Variants in PEX1 observed in about 807,000 individuals in gnomAD.
The protein encoded by PEX1 is peroxisomal biogenesis factor 1, also known as peroxisomal ATPase PEX1.
Under a neutral mutation model 152.5 loss-of-function variants are expected in PEX1, and 97 were observed. The ratio of observed to expected loss-of-function variants is 0.64; its 90% CI spans 0.54 to 0.75. PEX1 has a LOEUF of 0.75. Among genes scored for constraint, PEX1 ranks in the 30% least tolerant of loss-of-function variants. The pLI, the probability that PEX1 is intolerant of heterozygous loss-of-function variation, is 0.00. For missense variants in PEX1, 1,357 were observed against 1,516.3 expected, an observed-to-expected ratio of 0.89 and a Z score of 1.74; for synonymous variants, 485 against 531.6, an observed-to-expected ratio of 0.91 and a Z score of 1.21.
chr7:92,517,646 C>T lies in PEX1; in HGVS notation c.869G>A (p.Cys290Tyr). ...ATATATACTAGGAGGTTGAGATTTG[C>T]ATACTCTGAAAATATTGTCTAGAGG... ...VVPLDNIFRV[C>Y]KSQPPSIYNA... The change falls in exon 5 of 24, where the codon TGC (cysteine) becomes TAC (tyrosine). Residue 290 changes from cysteine (C) to tyrosine (Y), a missense_variant. Coordinates refer to ENST00000248633, the MANE Select transcript of PEX1 (RefSeq NM_000466.3). 1 of 1,614,000 alleles carries T rather than the reference C, an allele frequency of 6.2e-7. No individual in the cohort carries two copies. The highest frequency in any genetic ancestry group is 8.5e-7 in the Non-Finnish European group (1 of 1,180,010).
At chr7:92,498,242 G>A (rs1791756161) in intron 16 of PEX1, among the ~76,000 whole-genome samples, 1 of 151,942 alleles carries the variant, frequency 6.6e-6, no homozygotes, top group Non-Finnish European at 1.5e-5. Flanking sequence ...GGTAGCTCAC[G>A]TCTGTAATCC....
At chr7:92,527,050 T>C (rs1406728826) in intron 1 of PEX1, among the ~76,000 whole-genome samples, 1 of 152,240 alleles carries the variant, frequency 6.6e-6, no homozygotes, top group African/African-American at 2.4e-5. Context: ...ATTCTGCTAA[T>C]ATGGGCTGAA....
intron 7 of PEX1, 107 bp downstream of exon 7, chr7:92,511,473 T>C: frequency 1.2e-6 from 1 of 867,482 alleles, no homozygotes; most frequent in Non-Finnish European, 1.8e-6. Context: ...ATCATAATTA[T>C]ATTTCACTAT....
intron 15 of PEX1, among the ~76,000 whole-genome samples, chr7:92,500,786 T>C (rs1791887545): frequency 6.6e-6 from 1 of 152,174 alleles, no homozygotes; most frequent in Non-Finnish European, 1.5e-5. Flanking sequence ...TCCTAGACTC[T>C]ACCATCTGAT....
intron 1 of PEX1, among the ~76,000 whole-genome samples, chr7:92,527,452 T>C (rs1005787528): frequency 3.3e-5 from 5 of 152,210 alleles, no homozygotes; most frequent in African/African-American, 1.2e-4. Context: ...GCTGAACTCA[T>C]GTTTTCAGTG....
chr7:92,499,605 T>C, intron 16 of PEX1, 99 bp downstream of exon 16: 1 of 986,458 alleles, frequency 1.0e-6, no homozygotes, highest in Admixed American at 1.7e-5. Flanking sequence ...CATAGCATTG[T>C]GAATGCACTA....
intron 21 of PEX1, among the ~76,000 whole-genome samples, chr7:92,490,631 T>C (rs1585212817): frequency 2.7e-5 from 1 of 36,862 alleles, no homozygotes; most frequent in East Asian, 7.3e-4. Flanking sequence ...TGAGACTGTC[T>C]CAAAAAAAAA....
At chr7:92,523,692 G>T (rs1793146621) in intron 1 of PEX1, among the ~76,000 whole-genome samples, 1 of 152,042 alleles carries the variant, frequency 6.6e-6, no homozygotes, top group South Asian at 2.1e-4. Flanking sequence ...TCAGCCAGGT[G>T]TGGTGGCATA....
chr7:92,488,798 A>G (rs1227924233), intron 23 of PEX1, among the ~76,000 whole-genome samples: 1 of 151,264 alleles, frequency 6.6e-6, no homozygotes, highest in East Asian at 1.9e-4. Context: ...CAGTGGTGCA[A>G]TCTCGGCTCA....
intron 16 of PEX1, 50 bp downstream of exon 16, chr7:92,499,654 T>C: frequency 6.7e-7 from 1 of 1,483,376 alleles, no homozygotes; most frequent in Non-Finnish European, 9.4e-7. Flanking sequence ...GCTAACTGCA[T>C]TTATGTTAAT....
intron 5 of PEX1, among the ~76,000 whole-genome samples, chr7:92,516,013 G>A (rs10156014): frequency 0.033 from 2,631 of 79,682 alleles, 95 homozygotes; most frequent in African/African-American, 0.11. Flanking sequence ...AAAGAAAAGA[G>A]AAGAGAAGAG....
intron 16 of PEX1, among the ~76,000 whole-genome samples, chr7:92,498,994 A>C (rs967833830): frequency 6.6e-6 from 1 of 152,180 alleles, no homozygotes; most frequent in Non-Finnish European, 1.5e-5. Context: ...TCATTACTCA[A>C]TTTCATACAA....
intron 7 of PEX1, among the ~76,000 whole-genome samples, 184 bp from the exon 8 acceptor site, chr7:92,511,231 C>A (rs900544288): frequency 6.6e-6 from 1 of 152,006 alleles, no homozygotes; most frequent in African/African-American, 2.4e-5. Context: ...CTCAAGTGAT[C>A]CTTCTGCCTC....
At chr7:92,522,367 A>G (rs908065610) in intron 1 of PEX1, 122 bp from the exon 2 acceptor site, 2 of 933,044 alleles carry the variant, frequency 2.1e-6, no homozygotes, top group Non-Finnish European at 3.3e-6. Flanking sequence ...GTTCTCTGTT[A>G]TCTACATTTG....
intron 6 of PEX1, 88 bp downstream of exon 6, chr7:92,513,759 TA>T: frequency 1.1e-6 from 1 of 948,080 alleles, no homozygotes; most frequent in Non-Finnish European, 1.7e-6. Flanking sequence ...CAAAAAGGAA[TA>T]CAACATTCTT....
intron 5 of PEX1, 25 bp from the exon 6 acceptor site, chr7:92,513,992 T>G (rs752883225): frequency 1.4e-6 from 2 of 1,380,640 alleles, no homozygotes; most frequent in East Asian, 4.7e-5. Context: ...TAAACAAAAA[T>G]ATAAATATAT....
chr7:92,499,843 G>T lies in PEX1; in HGVS notation c.2584-5C>A. ...GTTTGCAAATAATTCTGGATACTGA[G>T]AAACAAAAAAAAAAAATATGAAAAA... On this transcript the variant is annotated splice_polypyrimidine_tract_variant and splice_region_variant and intron_variant, in intron 15 of 23. Transcript: ENST00000248633. 6.8e-7 allele frequency: 1 copy of T among 1,479,196 alleles called. No homozygotes were observed. The highest frequency in any genetic ancestry group is 1.7e-4 in the Middle Eastern group (1 of 5,738). 91.6% of individuals were successfully genotyped at this position (1,479,196 alleles called of 1,614,324 possible). A position where few individuals can be genotyped will look rare whatever the true frequency, so the allele number is the denominator to read the frequency against.
At chr7:92,519,486 T>C (rs1792958513) in intron 2 of PEX1, among the ~76,000 whole-genome samples, 1 of 152,206 alleles carries the variant, frequency 6.6e-6, no homozygotes, top group Non-Finnish European at 1.5e-5. Flanking sequence ...CATAACTAAT[T>C]ACAGAATGAA....
chr7:92,492,332 C>G (rs1373032780), intron 20 of PEX1, among the ~76,000 whole-genome samples: 2 of 152,132 alleles, frequency 1.3e-5, no homozygotes, highest in South Asian at 2.1e-4. Context: ...TTCACAGAGA[C>G]AAGATCCCAC....
Sources: allele counts gnomAD v4.1 joint callset (sites outside exome capture counted in the v4.1 genomes callset), GRCh38; gene constraint gnomAD v4.1.1; transcripts MANE v1.5; gene names NCBI Gene and HGNC (gene_info 2026-07-23, HGNC 2026-07-21).